Variants in CDC27 observed in about 807,000 individuals in gnomAD.
The protein encoded by CDC27 is cell division cycle 27, also known as cell division cycle protein 27 homolog.
In CDC27, 27 loss-of-function variants were observed where a neutral mutation model predicts 109.7. That is an observed-to-expected ratio of 0.25 (90% CI 0.18 to 0.34). The LOEUF (loss-of-function observed/expected upper bound fraction) is 0.34. Ranked by LOEUF, CDC27 falls within the 10% of genes least tolerant of loss-of-function variation. The pLI, the probability that CDC27 is intolerant of heterozygous loss-of-function variation, is 1.00. For missense variants in CDC27, 579 were observed against 960.2 expected, an observed-to-expected ratio of 0.60 and a Z score of 5.25; for synonymous variants, 266 against 333.9, an observed-to-expected ratio of 0.80 and a Z score of 2.22.
chr17:47,121,743 T>G (rs989846235), intron 18 of CDC27, among the ~76,000 whole-genome samples: 4 of 29,952 alleles, frequency 1.3e-4, no homozygotes, highest in African/African-American at 3.7e-4. Flanking sequence ...TATATATACT[T>G]TTTTTTTTTT....
chr17:47,158,906 C>T (rs565575537), intron 4 of CDC27, among the ~76,000 whole-genome samples: 16 of 152,184 alleles, frequency 1.1e-4, no homozygotes, highest in African/African-American at 3.9e-4. Context: ...AGGTGTGAGC[C>T]ACCGCACCTG....
Position 47,141,832 on chromosome 17 carries a change from A to G in CDC27, c.1551+21T>C. 3 of 1,506,608 alleles carry G rather than the reference A, an allele frequency of 2.0e-6. No homozygotes were observed. The South Asian group carries it at 3.8e-5, about 19-fold the overall frequency. 93.3% of individuals were successfully genotyped at this position (1,506,608 alleles called of 1,614,324 possible). Reference sequence around the variant, plus strand: ...TGAAATTATCTCTAGAAAGGCATATATAACCATTTTCTATACTTACTTGCA... The same window carrying G: ...TGAAATTATCTCTAGAAAGGCATATGTAACCATTTTCTATACTTACTTGCA... On this transcript the variant is annotated intron_variant, in intron 12 of 18. Coordinates refer to ENST00000066544, the MANE Select transcript of CDC27 (RefSeq NM_001256.6).
At chr17:47,173,146 A>G (rs578157145) in intron 2 of CDC27, among the ~76,000 whole-genome samples, 12 of 152,344 alleles carry the variant, frequency 7.9e-5, no homozygotes, top group African/African-American at 2.9e-4. Flanking sequence ...ATCTTTTTAA[A>G]TAGTTAACAT....
At chr17:47,142,149 A>G in intron 11 of CDC27, 80 bp downstream of exon 11, 1 of 1,091,640 alleles carries the variant, frequency 9.2e-7, no homozygotes, top group Non-Finnish European at 1.3e-6. Flanking sequence ...CAATGAAGGT[A>G]CTGTAATGAA....
chr17:47,189,037 G>A, intron 1 of CDC27, 109 bp downstream of exon 1: 1 of 1,512,478 alleles, frequency 6.6e-7, no homozygotes. Context: ...AGCAGGGGAG[G>A]CGGGAGAAGC....
At chr17:47,147,400 AAAAC>A (rs532383207) in intron 9 of CDC27, among the ~76,000 whole-genome samples, 11,310 of 142,926 alleles carry the variant, frequency 0.079, 578 homozygotes, top group South Asian at 0.18. Context: ...CTCCGTCTCA[AAAAC>A]AAACAAACAA....
At chr17:47,182,534 A>C (rs769701199) in intron 1 of CDC27, among the ~76,000 whole-genome samples, 26 of 152,220 alleles carry the variant, frequency 1.7e-4, no homozygotes, top group Admixed American at 5.2e-4. Context: ...ACATTTGTAC[A>C]TATCATCTCT....
chr17:47,153,369 C>T (rs1179613077), intron 8 of CDC27, among the ~76,000 whole-genome samples: 2 of 152,198 alleles, frequency 1.3e-5, no homozygotes, highest in Non-Finnish European at 2.9e-5. Flanking sequence ...CCTACTTCAC[C>T]TGGCATGCTA....
intron 14 of CDC27, 82 bp from the exon 15 acceptor site, chr17:47,132,456 T>C (rs1307224945): frequency 3.4e-6 from 2 of 582,672 alleles, no homozygotes; most frequent in Non-Finnish European, 5.7e-6. Flanking sequence ...AGAACAAGTA[T>C]AGAATCTGGC....
At chr17:47,129,549 C>T (rs1448436104) in intron 15 of CDC27, 28 bp from the exon 16 acceptor site, 3 of 1,533,440 alleles carry the variant, frequency 2.0e-6, no homozygotes, top group African/African-American at 1.4e-5. Flanking sequence ...CATGTTAATA[C>T]TCCCTCTTGA....
At chr17:47,159,628 A>G (rs1244801144) in intron 4 of CDC27, 3 of 462,228 alleles carry the variant, frequency 6.5e-6, no homozygotes, top group Non-Finnish European at 1.2e-5. Context: ...TGCAGATGGC[A>G]GTGGCCACCT....
intron 9 of CDC27, among the ~76,000 whole-genome samples, chr17:47,146,691 G>GT (rs1420989451): frequency 7.9e-5 from 12 of 152,154 alleles, no homozygotes; most frequent in African/African-American, 2.7e-4. Flanking sequence ...GGATCAAGCT[G>GT]TTTCCAAGCA....
intron 2 of CDC27, among the ~76,000 whole-genome samples, chr17:47,181,020 G>A (rs2064202652): frequency 6.7e-6 from 1 of 148,784 alleles, no homozygotes; most frequent in Admixed American, 6.7e-5. Context: ...GGGAGGCCAA[G>A]GCAGGTGGAT....
chr17:47,180,392 T>C (rs1168224652), intron 2 of CDC27, among the ~76,000 whole-genome samples: 3 of 152,264 alleles, frequency 2.0e-5, no homozygotes, highest in South Asian at 2.1e-4. Flanking sequence ...CTCTCTCACA[T>C]GGACAGTAAT....
intron 16 of CDC27, among the ~76,000 whole-genome samples, chr17:47,124,256 C>CATCTATCTATCTATCT (rs71365043): frequency 0.16 from 24,179 of 148,038 alleles, 2,184 homozygotes; most frequent in Non-Finnish European, 0.19. Flanking sequence ...TGCTTTTGGT[C>CATCTATCTATCTATCT]ATCTATCTAT....
At chr17:47,128,939 T>C (rs753175587) in intron 16 of CDC27, among the ~76,000 whole-genome samples, 33 of 152,178 alleles carry the variant, frequency 2.2e-4, no homozygotes, top group Admixed American at 6.5e-4. Context: ...GCCCAGCTAA[T>C]TTTTTGTATT....
chr17:47,130,471 T>A (rs1054770768), intron 15 of CDC27, among the ~76,000 whole-genome samples: 1 of 152,244 alleles, frequency 6.6e-6, no homozygotes, highest in Admixed American at 6.5e-5. Flanking sequence ...ACTTAAGATA[T>A]TTTAAATAAC....
intron 5 of CDC27, 149 bp from the exon 6 acceptor site, chr17:47,157,533 A>C (rs541921777): frequency 1.9e-5 from 10 of 527,400 alleles, no homozygotes; most frequent in African/African-American, 1.7e-4. Context: ...ATTTACCCCC[A>C]AAAAACCCAT....
chr17:47,151,721 G>T, intron 9 of CDC27, 85 bp downstream of exon 9: 1 of 1,026,656 alleles, frequency 9.7e-7, no homozygotes, highest in Non-Finnish European at 1.4e-6. Flanking sequence ...TAGAATCCAC[G>T]AGAGTCACTA....
Sources: gnomAD v4.1 joint callset for allele counts (sites outside exome capture counted in the v4.1 genomes callset) on GRCh38, gnomAD v4.1.1 for gene constraint, MANE v1.5 for transcripts, NCBI Gene and HGNC (gene_info 2026-07-23, HGNC 2026-07-21) for gene names.